Variants in CCSER2 observed in about 807,000 individuals in gnomAD.
The protein encoded by CCSER2 is coiled-coil serine rich protein 2.
CCSER2 carries 46 observed loss-of-function variants against 92.3 expected under a neutral mutation model. That is an observed-to-expected ratio of 0.50 (90% confidence interval 0.39 to 0.64). The LOEUF (loss-of-function observed/expected upper bound fraction) is 0.64. Ranked by LOEUF, CCSER2 falls within the 30% of genes least tolerant of loss-of-function variation. The pLI is 0.00. For synonymous variants in CCSER2, 433 were observed against 431.4 expected (o/e 1.00, Z -0.04); for missense variants, 1,244 against 1,238.9 (o/e 1.00, Z -0.06).
At chr10:84,443,008 A>G (rs930691787) in intron 6 of CCSER2, among the ~76,000 whole-genome samples, 1 of 152,236 alleles carries the variant, frequency 6.6e-6, no homozygotes, top group African/African-American at 2.4e-5. Flanking sequence ...GAGATGGATT[A>G]AAGACTTAAT....
rs1844939592 is a variant in CCSER2, at chr10:84,352,832, C to T, written c.-39-18182C>T. On this transcript the variant is annotated intron_variant, in intron 1 of 9. Transcript: ENST00000372088. The stretch of plus-strand genomic sequence containing the variant: ...TTTTGGAGACAGAGTCTCTTGTCAC[C>T]CAGGCTGGATTGCAGTGGTACAATC... 3.3e-5 allele frequency among the ~76,000 whole-genome samples: 5 copies of T among 151,976 alleles called. 2 individuals carry two copies. In the South Asian group the frequency reaches 1.0e-3, roughly 32 times the overall value.
At position 84,514,334 on chromosome 10, in the gene CCSER2, G is replaced by A; in HGVS notation, c.*67G>A. 4.6e-6 allele frequency: 5 copies of A among 1,086,938 alleles called. No individual in the cohort carries two copies. Among genetic ancestry groups the A allele is most frequent in the South Asian group, 1.6e-5 (1 of 61,896 alleles). The allele number at this position is 1,086,938 out of a possible 1,614,324, so 67.3% of individuals were successfully genotyped here. A position where few individuals can be genotyped will look rare whatever the true frequency, so the allele number is the denominator to read the frequency against. ...CTCTTCTGTAATAGCTTTATGTGCA[G>A]CTTGCAGCTTGCTACTGTGGTGGAG... On this transcript the variant is annotated 3_prime_UTR_variant, in exon 10 of 10. Coordinates refer to ENST00000372088, the MANE Select transcript of CCSER2 (RefSeq NM_001284240.2).
chr10:84,416,495 T>C (rs1210166249), intron 3 of CCSER2, among the ~76,000 whole-genome samples: 1 of 152,204 alleles, frequency 6.6e-6, no homozygotes, highest in Non-Finnish European at 1.5e-5. Context: ...GATTTTGTTT[T>C]TCAAATAATT....
chr10:84,342,999 A>G (rs1185964590), intron 1 of CCSER2, among the ~76,000 whole-genome samples: 1 of 152,012 alleles, frequency 6.6e-6, no homozygotes, highest in Non-Finnish European at 1.5e-5. Context: ...CAGCCTCCCA[A>G]GTAGCTAGGA....
intron 6 of CCSER2, among the ~76,000 whole-genome samples, chr10:84,459,411 T>C (rs986499364): frequency 2.0e-5 from 3 of 152,216 alleles, no homozygotes; most frequent in African/African-American, 7.2e-5. Flanking sequence ...GGATAGAAAC[T>C]CCACTATGAT....
Position 84,404,182 on chromosome 10 carries a change from C to T in CCSER2, c.1615-13589C>T, listed in dbSNP as rs998677487. 2.0e-5 allele frequency among the ~76,000 whole-genome samples: 3 copies of T among 152,278 alleles called. No homozygotes were observed. In the South Asian group the frequency reaches 6.2e-4, roughly 32 times the overall value. On this transcript the variant is annotated intron_variant, in intron 3 of 9. Coordinates refer to ENST00000372088, the MANE Select transcript of CCSER2 (RefSeq NM_001284240.2). Reference sequence around the variant, plus strand: ...CCTCTGTTCTGATTTCATTAAACTCCCCTGAAATCCACAGGATACACAGGG... The same window carrying T: ...CCTCTGTTCTGATTTCATTAAACTCTCCTGAAATCCACAGGATACACAGGG...
chr10:84,458,349 A>C (rs541920195), intron 6 of CCSER2, among the ~76,000 whole-genome samples: 1 of 152,174 alleles, frequency 6.6e-6, no homozygotes, highest in Non-Finnish European at 1.5e-5. Context: ...GCCTTTGACC[A>C]TAAATGTGTG....
At chr10:84,348,811 A>G (rs1271090596) in intron 1 of CCSER2, among the ~76,000 whole-genome samples, 1 of 152,204 alleles carries the variant, frequency 6.6e-6, no homozygotes, top group Non-Finnish European at 1.5e-5. Context: ...AAATATCTAA[A>G]TACTCTTTAT....
intron 1 of CCSER2, among the ~76,000 whole-genome samples, chr10:84,341,343 C>T (rs1191845095): frequency 4.2e-5 from 4 of 94,312 alleles, no homozygotes; most frequent in Admixed American, 1.2e-4. Context: ...CTTTGTAACT[C>T]TTTTTTTTTT....
chr10:84,415,535 A>G (rs1842847703), intron 3 of CCSER2, among the ~76,000 whole-genome samples: 1 of 152,046 alleles, frequency 6.6e-6, no homozygotes, highest in Non-Finnish European at 1.5e-5. Flanking sequence ...CCCTCTGGAA[A>G]CTCCATTCCA....
At position 84,513,773 on chromosome 10, in the gene CCSER2, A is replaced by G. The variant is rs1425161652; in HGVS notation, c.2650A>G (p.Ile884Val). The G allele has an allele frequency of 6.5e-7, 1 of 1,536,734 alleles. No individual in the cohort carries two copies. Among genetic ancestry groups the G allele is most frequent in the African/African-American group, 1.4e-5 (1 of 73,046 alleles). The change falls in exon 10 of 10, where the codon ATA becomes GTA. Residue 884 changes from isoleucine (I) to valine (V), a missense_variant. Coordinates refer to ENST00000372088, the MANE Select transcript of CCSER2 (RefSeq NM_001284240.2). ...CAATCAAATTAGTGACATGCAGTTT[A>G]TACCCACTTCTCTTCAGACACCTCC... ...ANNQISDMQF[I>V]PTSLQTPPES...
intron 3 of CCSER2, among the ~76,000 whole-genome samples, chr10:84,408,694 C>T (rs1367941892): frequency 6.6e-6 from 1 of 152,160 alleles, no homozygotes; most frequent in Non-Finnish European, 1.5e-5. Flanking sequence ...GACAGTTCTC[C>T]TTTCACTGAT....
At chr10:84,407,689 G>T (rs1475340143) in intron 3 of CCSER2, among the ~76,000 whole-genome samples, 1 of 152,182 alleles carries the variant, frequency 6.6e-6, no homozygotes, top group Non-Finnish European at 1.5e-5. Flanking sequence ...CTTCTCTAGT[G>T]CAAATCTCAA....
At chr10:84,426,561 A>C (rs984336555) in intron 5 of CCSER2, among the ~76,000 whole-genome samples, 1 of 152,246 alleles carries the variant, frequency 6.6e-6, no homozygotes, top group African/African-American at 2.4e-5. Context: ...CAGGGATAAA[A>C]GTGCCTAGAG....
intron 9 of CCSER2, among the ~76,000 whole-genome samples, chr10:84,496,216 G>T (rs12411858): frequency 0.058 from 8,860 of 151,958 alleles, 370 homozygotes; most frequent in Admixed American, 0.1. Flanking sequence ...TTTTTTATGC[G>T]TATTTTAAGA....
chr10:84,393,774 C>T (rs897967947), intron 3 of CCSER2: 1 of 152,344 alleles, frequency 6.6e-6, no homozygotes, highest in Non-Finnish European at 1.5e-5. Context: ...TATGACATAA[C>T]CTATTTACAA....
intron 5 of CCSER2, among the ~76,000 whole-genome samples, chr10:84,426,871 A>G (rs903848583): frequency 5.3e-5 from 8 of 150,720 alleles, no homozygotes; most frequent in African/African-American, 2.0e-4. Flanking sequence ...TTGTCAGAAA[A>G]GTTAAGCAAC....
At chr10:84,507,957 TTAA>T (rs1466066994) in intron 9 of CCSER2, among the ~76,000 whole-genome samples, 1 of 152,208 alleles carries the variant, frequency 6.6e-6, no homozygotes. Context: ...AGTTAGTTCC[TTAA>T]TATTGGTATT....
chr10:84,484,683 T>G (rs1293455568), intron 9 of CCSER2, among the ~76,000 whole-genome samples: 2 of 152,236 alleles, frequency 1.3e-5, no homozygotes, highest in African/African-American at 4.8e-5. Context: ...TATTCAATGT[T>G]TTACTCAATA....
Sources: gnomAD v4.1 joint callset for allele counts (sites outside exome capture counted in the v4.1 genomes callset) on GRCh38, gnomAD v4.1.1 for gene constraint, MANE v1.5 for transcripts, NCBI Gene and HGNC (gene_info 2026-07-23, HGNC 2026-07-21) for gene names.